Variants in SLC1A7 observed in about 807,000 individuals in gnomAD.
SLC1A7 encodes excitatory amino acid transporter 5.
SLC1A7 carries 40 observed loss-of-function variants against 47.7 expected under a neutral mutation model. The observed-to-expected ratio is 0.84, with a 90% confidence interval of 0.65 to 1.09. The LOEUF is 1.09. Among genes scored for constraint, SLC1A7 ranks in the 50% least tolerant of loss-of-function variants. SLC1A7 has a pLI of 0.00. For synonymous variants in SLC1A7, 323 were observed against 325.6 expected (o/e 0.99, Z 0.09); for missense variants, 746 against 769.5 (o/e 0.97, Z 0.36).
intron 2 of SLC1A7, among the ~76,000 whole-genome samples, chr1:53,120,955 G>A (rs1644813603): frequency 6.6e-6 from 1 of 152,274 alleles, no homozygotes; most frequent in Non-Finnish European, 1.5e-5. Flanking sequence ...TTGGGCATGT[G>A]ACTGGGCCTG....
At chr1:53,130,221 G>A (rs1001324770) in intron 2 of SLC1A7, among the ~76,000 whole-genome samples, 3 of 152,224 alleles carry the variant, frequency 2.0e-5, no homozygotes, top group African/African-American at 7.2e-5. Context: ...GCTAGGTCTT[G>A]AATACAGAGT....
At chr1:53,140,792 G>A (rs1354890230) in intron 1 of SLC1A7, among the ~76,000 whole-genome samples, 1 of 152,164 alleles carries the variant, frequency 6.6e-6, no homozygotes, top group Non-Finnish European at 1.5e-5. Flanking sequence ...GGAGGAGAGA[G>A]GATATTGCCT....
At chr1:53,134,178 T>A (rs1043485290) in intron 2 of SLC1A7, among the ~76,000 whole-genome samples, 172 bp downstream of exon 2, 3 of 152,136 alleles carry the variant, frequency 2.0e-5, no homozygotes, top group African/African-American at 7.2e-5. Flanking sequence ...CTGGGGCCAC[T>A]GAATGACTCA....
intron 3 of SLC1A7, among the ~76,000 whole-genome samples, chr1:53,106,195 T>C (rs553149522): frequency 6.6e-6 from 1 of 151,994 alleles, no homozygotes; most frequent in Non-Finnish European, 1.5e-5. Flanking sequence ...CTCCCCCATA[T>C]AGTGGCCGCC....
At chr1:53,093,025 C>G (rs2150315873) in intron 6 of SLC1A7, among the ~76,000 whole-genome samples, 1 of 152,168 alleles carries the variant, frequency 6.6e-6, no homozygotes, top group South Asian at 2.1e-4. Context: ...TTCAGGAGGC[C>G]CCCATTTCAG....
intron 1 of SLC1A7, among the ~76,000 whole-genome samples, chr1:53,139,823 C>T (rs1188565486): frequency 2.0e-5 from 3 of 151,986 alleles, no homozygotes; most frequent in Non-Finnish European, 4.4e-5. Context: ...TTTTAAAAAT[C>T]CCATTACTAA....
At chr1:53,090,420 C>A in intron 8 of SLC1A7, 192 bp downstream of exon 8, 1 of 903,840 alleles carries the variant, frequency 1.1e-6, no homozygotes, top group Non-Finnish European at 1.6e-6. Context: ...CCTCCGCTCG[C>A]CCTGTGGCCA....
At chr1:53,129,547 TGGGTTGGAGAAA>T (rs1231442009) in intron 2 of SLC1A7, among the ~76,000 whole-genome samples, 96 of 101,408 alleles carry the variant, frequency 9.5e-4, no homozygotes, top group Middle Eastern at 6.0e-3. Flanking sequence ...GGCCAGGGGC[TGGGTTGGAGAAA>T]TTCTAGAAAA....
At chr1:53,138,278 C>A (rs1645020649) in intron 1 of SLC1A7, among the ~76,000 whole-genome samples, 1 of 152,052 alleles carries the variant, frequency 6.6e-6, no homozygotes, top group South Asian at 2.1e-4. Context: ...GGTGATGGGC[C>A]ATAGTATGGG....
At chr1:53,119,966 G>A (rs1277837888) in intron 2 of SLC1A7, among the ~76,000 whole-genome samples, 1 of 152,172 alleles carries the variant, frequency 6.6e-6, no homozygotes, top group Non-Finnish European at 1.5e-5. Flanking sequence ...GGTGTTTGAG[G>A]GCCCCAGGGA....
At chr1:53,118,244 G>A in intron 2 of SLC1A7, among the ~76,000 whole-genome samples, 1 of 152,272 alleles carries the variant, frequency 6.6e-6, no homozygotes, top group Non-Finnish European at 1.5e-5. Flanking sequence ...CTGAGAACTT[G>A]CAGCTGGTGC....
At chr1:53,130,542 A>C (rs1644932734) in intron 2 of SLC1A7, among the ~76,000 whole-genome samples, 1 of 151,266 alleles carries the variant, frequency 6.6e-6, no homozygotes, top group Admixed American at 6.6e-5. Context: ...CACTGCAGAA[A>C]ACCCTTGCCT....
chr1:53,124,416 G>A (rs1007401340), intron 2 of SLC1A7, among the ~76,000 whole-genome samples: 3 of 152,180 alleles, frequency 2.0e-5, no homozygotes, highest in African/African-American at 7.2e-5. Context: ...TTCCCCTGAA[G>A]GACGCCTGGT....
At chr1:53,127,371 T>C (rs1485539250) in intron 2 of SLC1A7, among the ~76,000 whole-genome samples, 1 of 152,194 alleles carries the variant, frequency 6.6e-6, no homozygotes, top group Non-Finnish European at 1.5e-5. Context: ...GATGAACTAC[T>C]TGGACAGAAG....
intron 4 of SLC1A7, 91 bp downstream of exon 4, chr1:53,105,641 C>A: frequency 9.9e-7 from 1 of 1,009,772 alleles, no homozygotes; most frequent in Non-Finnish European, 1.6e-6. Context: ...GCCAGCACAC[C>A]TGTCACTTCC....
intron 8 of SLC1A7, chr1:53,090,194 G>C (rs1644404876): frequency 1.7e-6 from 1 of 583,494 alleles, no homozygotes. Context: ...TGCCTCTGTG[G>C]GTTCCAGGAA....
chr1:53,101,370 TCACA>T (rs1318351465), intron 5 of SLC1A7, among the ~76,000 whole-genome samples: 1 of 145,706 alleles, frequency 6.9e-6, no homozygotes, highest in Non-Finnish European at 1.5e-5. Context: ...TTTGGTACAC[TCACA>T]CACACTGCCC....
chr1:53,093,764 A>G (rs1644453460), intron 5 of SLC1A7, among the ~76,000 whole-genome samples: 1 of 145,850 alleles, frequency 6.9e-6, no homozygotes, highest in African/African-American at 2.6e-5. Context: ...TCCTCCACGC[A>G]GCAGCCAATG....
In SLC1A7 at chr1:53,112,580, A is replaced by C. The variant is rs1644711661; in HGVS notation, c.431+2178T>G. On this transcript the variant is annotated intron_variant, in intron 3 of 10. Coordinates refer to ENST00000371494, the MANE Select transcript of SLC1A7 (RefSeq NM_006671.6). Reference sequence around the variant, plus strand: ...CGGGGGAGGAAAGGAATGCTTCTCCACAACCTTAAGCCAAGAGAACTATTC... The same window carrying C: ...CGGGGGAGGAAAGGAATGCTTCTCCCCAACCTTAAGCCAAGAGAACTATTC... Among the ~76,000 whole-genome samples, 4 of 152,260 alleles carry C rather than the reference A, an allele frequency of 2.6e-5. No homozygotes were observed. In the South Asian group the frequency reaches 8.3e-4, roughly 31 times the overall value.
Sources: allele counts gnomAD v4.1 joint callset (sites outside exome capture counted in the v4.1 genomes callset), GRCh38; gene constraint gnomAD v4.1.1; transcripts MANE v1.5; gene names NCBI Gene and HGNC (gene_info 2026-07-23, HGNC 2026-07-21).